KLF16: variants seen among roughly 807,000 people sequenced by gnomAD.
The protein encoded by KLF16 is KLF transcription factor 16.
In KLF16, 6 loss-of-function variants were observed where a neutral mutation model predicts 6.1. That is an observed-to-expected ratio of 0.98 (90% confidence interval 0.54 to 1.93). The LOEUF is 1.93. Ranked by LOEUF, KLF16 falls within the 30% of genes most tolerant of loss-of-function variation. KLF16 has a pLI of 0.01. For missense variants in KLF16, 355 were observed against 363.8 expected, an observed-to-expected ratio of 0.98 and a Z score of 0.20; for synonymous variants, 211 against 176.5, an observed-to-expected ratio of 1.20 and a Z score of -1.55.
intron 1 of KLF16, among the ~76,000 whole-genome samples, chr19:1,859,750 G>A (rs1019614145): frequency 7.2e-5 from 11 of 152,160 alleles, no homozygotes; most frequent in African/African-American, 2.2e-4. Flanking sequence ...GTCCTGGGGC[G>A]CGGGGACTGG....
In KLF16 at chr19:1,854,439, G is replaced by A; in HGVS notation, c.*20C>T. ...GATGGCAGAAGCATCCTGGCGGTCA[G>A]GGTGGGCTGCACGAGGGCCCTACAG... is the stretch of plus-strand genomic sequence containing the variant. On this transcript the variant is annotated 3_prime_UTR_variant, in exon 2 of 2. Transcript: ENST00000250916. 1 of 1,394,872 alleles carries A rather than the reference G, an allele frequency of 7.2e-7. No individual in the cohort carries two copies. The allele number at this position is 1,394,872 out of a possible 1,614,324, so 86.4% of individuals were successfully genotyped here.
Position 1,857,468 on chromosome 19 carries a change from G to C in KLF16, c.458-2708C>G, listed in dbSNP as rs2011977959. On this transcript the variant is annotated intron_variant, in intron 1 of 1. Transcript: ENST00000250916. This position sits in a 1 kb window ranked among gnomAD's most constrained non-coding sequence, Gnocchi z 4.7. The stretch of plus-strand genomic sequence containing the variant: ...CGGTGGACTTGACCCTCTGACTCAG[G>C]CTGGGCCCGGGTGAGCTCAGGACAG... Among the ~76,000 whole-genome samples the C allele has an allele frequency of 6.6e-6, 1 of 152,206 alleles. No homozygotes were observed. The highest frequency in any genetic ancestry group is 2.4e-5 in the African/African-American group (1 of 41,450).
At chr19:1,872,411 G>A in the KLF16 span, among the ~76,000 whole-genome samples, 2 of 152,210 alleles carry the variant, frequency 1.3e-5, no homozygotes, top group Admixed American at 6.5e-5. Context: ...CATTACAGGC[G>A]TGAGCCACCG....
chr19:1,876,423 G>C, the KLF16 span, among the ~76,000 whole-genome samples: 1 of 152,224 alleles, frequency 6.6e-6, no homozygotes, highest in East Asian at 1.9e-4. Context: ...CTGCCCTAGA[G>C]ATCGTAGGAA....
At position 1,854,521 on chromosome 19, in the gene KLF16, A is replaced by G; in HGVS notation, c.697T>C (p.Cys233Arg). 6.6e-7 allele frequency: 1 copy of G among 1,508,504 alleles called. No homozygotes were observed. The highest frequency in any genetic ancestry group is 8.8e-7 in the Non-Finnish European group (1 of 1,137,426). 93.4% of individuals were successfully genotyped at this position (1,508,504 alleles called of 1,614,324 possible). A position where few individuals can be genotyped will look rare whatever the true frequency, so the allele number is the denominator to read the frequency against. The change falls in exon 2 of 2, where the codon TGC (cysteine) becomes CGC (arginine). Residue 233 changes from cysteine (C) to arginine (R), a missense_variant. Transcript: ENST00000250916. ...GGCGCAGGGCTCCCGGCCAGGCTGCAGGGCAGCGAGTCGCTGGGGGAGGTA... is the reference window on the plus strand; with the variant it reads ...GGCGCAGGGCTCCCGGCCAGGCTGCGGGGCAGCGAGTCGCTGGGGGAGGTA... ...RSTSPSDSLP[C>R]SLAGSPAPSP...
chr19:1,868,016 C>G (rs1014962426), upstream of KLF16, among the ~76,000 whole-genome samples: 1 of 151,194 alleles, frequency 6.6e-6, no homozygotes, highest in Non-Finnish European at 1.5e-5. Flanking sequence ...ACAGTCGGGT[C>G]TTTGCTTTGT....
At chr19:1,864,966 T>G (rs2012162286), upstream of KLF16, among the ~76,000 whole-genome samples, 1 of 152,198 alleles carries the variant, frequency 6.6e-6, no homozygotes, top group Non-Finnish European at 1.5e-5. Flanking sequence ...GGGTTGGGCA[T>G]GGACAGAGGC....
the KLF16 span, among the ~76,000 whole-genome samples, chr19:1,872,406 C>T: frequency 1.3e-5 from 2 of 152,226 alleles, no homozygotes; most frequent in Non-Finnish European, 2.9e-5. Context: ...GCTGGCATTA[C>T]AGGCGTGAGC....
chr19:1,873,783 G>C, the KLF16 span, among the ~76,000 whole-genome samples: 1 of 152,234 alleles, frequency 6.6e-6, no homozygotes, highest in Non-Finnish European at 1.5e-5. Flanking sequence ...CCAAGAGCAG[G>C]GGGTGGTGGG....
intron 1 of KLF16, among the ~76,000 whole-genome samples, chr19:1,861,105 T>A (rs1192899451): frequency 1.3e-5 from 2 of 151,614 alleles, no homozygotes; most frequent in Non-Finnish European, 2.9e-5. Flanking sequence ...AATCCCGGGA[T>A]AACAATACTG....
the KLF16 span, among the ~76,000 whole-genome samples, chr19:1,873,889 T>A: frequency 6.6e-6 from 1 of 152,214 alleles, no homozygotes; most frequent in African/African-American, 2.4e-5. Context: ...GGGAACACAG[T>A]GTACGCTGAA....
chr19:1,875,626 T>C, the KLF16 span: 1 of 152,350 alleles, frequency 6.6e-6, no homozygotes, highest in East Asian at 1.9e-4. Flanking sequence ...CTGGAGGCAA[T>C]GAAGACACGG....
intron 1 of KLF16, among the ~76,000 whole-genome samples, chr19:1,856,957 G>T (rs868808092): frequency 2.9e-5 from 4 of 136,934 alleles, no homozygotes; most frequent in Non-Finnish European, 6.1e-5. Flanking sequence ...TGCCGGGGTG[G>T]GGGGGGCGAC....
At chr19:1,862,603 TTCC>T (rs2145369730) in intron 1 of KLF16, among the ~76,000 whole-genome samples, 1 of 149,710 alleles carries the variant, frequency 6.7e-6, no homozygotes, top group East Asian at 2.0e-4. Context: ...GGCGACGCGG[TTCC>T]TCCTCCATTT....
At chr19:1,859,752 G>C (rs975159168) in intron 1 of KLF16, among the ~76,000 whole-genome samples, 1 of 152,130 alleles carries the variant, frequency 6.6e-6, no homozygotes, top group Non-Finnish European at 1.5e-5. Context: ...CCTGGGGCGC[G>C]GGGACTGGGA....
chr19:1,869,015 G>A, the KLF16 span, among the ~76,000 whole-genome samples: 1 of 152,132 alleles, frequency 6.6e-6, no homozygotes, highest in Non-Finnish European at 1.5e-5. Flanking sequence ...GACAAGGAAA[G>A]CCTGAAGAAC....
rs1363927898 is a variant in KLF16 at position 1,863,170 on chromosome 19, G to C, written c.328C>G (p.Pro110Ala). ...PASSSSAASSPSSGRAPGAAP... is the reference protein window; with the variant it reads ...PASSSSAASSASSGRAPGAAP... ...GCGCCGGGGGCGCGGCCCGAGGACG[G>C]GGACGAGGCGGCTGAGGAGGAGGAG... Residue 110 changes from proline to alanine, a missense_variant, in exon 1 of 2, where the codon CCG (proline) becomes GCG (alanine). Transcript: ENST00000250916. 5 of 1,252,874 alleles carry C rather than the reference G, an allele frequency of 4.0e-6. No homozygotes were observed. The highest frequency in any genetic ancestry group is 7.6e-5 in the East Asian group (2 of 26,294). The allele number at this position is 1,252,874 out of a possible 1,614,324, so 77.6% of individuals were successfully genotyped here.
Position 1,853,545 on chromosome 19 carries a change from G to C in KLF16, c.*914C>G, listed in dbSNP as rs919099244. On this transcript the variant is annotated 3_prime_UTR_variant, in exon 2 of 2. Coordinates refer to ENST00000250916, the MANE Select transcript of KLF16 (RefSeq NM_031918.4). ...GCGCAGCCCAACAGCCGCAGTCGTCGTTAAGGGAGAGTTGATTGTCACGTG... is the reference window on the plus strand; with the variant it reads ...GCGCAGCCCAACAGCCGCAGTCGTCCTTAAGGGAGAGTTGATTGTCACGTG... The C allele has an allele frequency of 2.0e-5, 3 of 152,514 alleles. No homozygotes were observed. The highest frequency in any genetic ancestry group is 4.4e-5 in the Non-Finnish European group (3 of 68,118). The allele number at this position is 152,514 out of a possible 1,614,324, so 9.4% of individuals were successfully genotyped here. A position where few individuals can be genotyped will look rare whatever the true frequency, so the allele number is the denominator to read the frequency against.
upstream of KLF16, among the ~76,000 whole-genome samples, chr19:1,865,559 G>C (rs1288963107): frequency 6.6e-6 from 1 of 152,212 alleles, no homozygotes. Flanking sequence ...GGGGGGCAGG[G>C]GTGAGCAGCC....
Sources: allele counts gnomAD v4.1 joint callset (sites outside exome capture counted in the v4.1 genomes callset), GRCh38; gene constraint gnomAD v4.1.1; non-coding constraint Gnocchi (gnomAD v3.1); transcripts MANE v1.5; gene names NCBI Gene and HGNC (gene_info 2026-07-23, HGNC 2026-07-21).